The following TGFA variants were observed in gnomAD, a reference collection of about 807,000 sequenced individuals.
TGFA encodes the protein protransforming growth factor alpha.
TGFA carries 12 observed loss-of-function variants against 21.7 expected under a neutral mutation model. That is an observed-to-expected ratio of 0.55 (90% confidence interval 0.35 to 0.90). The LOEUF (loss-of-function observed/expected upper bound fraction) is 0.90, where lower values mean the gene tolerates loss of function less well. TGFA is among the 40% of genes least tolerant of loss of function. The pLI is 0.01. For missense variants in TGFA, 178 were observed against 210.8 expected (o/e 0.84, Z 0.96); for synonymous variants, 79 against 88.1 (o/e 0.90, Z 0.58).
intron 3 of TGFA, among the ~76,000 whole-genome samples, chr2:70,457,289 GC>G (rs1487331841): frequency 9.2e-5 from 14 of 152,072 alleles, no homozygotes; most frequent in African/African-American, 2.9e-4. Flanking sequence ...TTCAATCACG[GC>G]CCCCTGCTAT....
intron 4 of TGFA, among the ~76,000 whole-genome samples, chr2:70,454,284 G>C (rs1670152196): frequency 6.6e-6 from 1 of 152,220 alleles, no homozygotes; most frequent in South Asian, 2.1e-4. Flanking sequence ...CCCAGCCCCT[G>C]TCTTGGCACT....
chr2:70,553,764 C>A lies in TGFA; in HGVS notation c.4G>T (p.Val2Phe), dbSNP rs782335405. The part of the protein sequence containing the change: M[V>F]PSAGQLALFA... ...AGGGCGAGCTGTCCAGCCGAGGGGA[C>A]CATTTTACGGGCGGGCGGGCAGCAG... is the stretch of plus-strand genomic sequence containing the variant. Residue 2 changes from valine to phenylalanine, a missense_variant, in exon 1 of 6, where the codon GTC (valine) becomes TTC (phenylalanine). By Grantham distance (50) the Val-to-Phe change is conservative (BLOSUM62 -1). Coordinates refer to ENST00000295400, the MANE Select transcript of TGFA (RefSeq NM_003236.4). 82 of 1,288,238 alleles carry A rather than the reference C, an allele frequency of 6.4e-5. No individual in the cohort carries two copies. The highest frequency in any genetic ancestry group is 7.6e-5 in the Non-Finnish European group (77 of 1,010,796). The allele number at this position is 1,288,238 out of a possible 1,614,324, so 79.8% of individuals were successfully genotyped here.
intron 2 of TGFA, among the ~76,000 whole-genome samples, chr2:70,473,074 C>A (rs987515850): frequency 6.6e-6 from 1 of 152,180 alleles, no homozygotes; most frequent in Non-Finnish European, 1.5e-5. Flanking sequence ...AAATCTGATA[C>A]TCCCAGGTAT....
intron 3 of TGFA, among the ~76,000 whole-genome samples, chr2:70,457,039 C>T (rs1553490691): frequency 1.3e-5 from 2 of 152,190 alleles, no homozygotes; most frequent in Admixed American, 1.3e-4. Context: ...CCTGTGAACT[C>T]TGGTGTCCTC....
chr2:70,510,681 C>A (rs996960199), intron 2 of TGFA, among the ~76,000 whole-genome samples: 2 of 152,206 alleles, frequency 1.3e-5, no homozygotes, highest in African/African-American at 2.4e-5. Context: ...GTCTGAGAAG[C>A]GTTTACTAAT....
intron 1 of TGFA, among the ~76,000 whole-genome samples, chr2:70,519,905 C>G (rs1553502037): frequency 6.6e-6 from 1 of 152,256 alleles, no homozygotes; most frequent in Non-Finnish European, 1.5e-5. Flanking sequence ...GCTTTGCCAT[C>G]AGGCCTGGGT....
chr2:70,521,600 TTTG>T (rs1553502271), intron 1 of TGFA, among the ~76,000 whole-genome samples: 1 of 142,054 alleles, frequency 7.0e-6, no homozygotes, highest in Non-Finnish European at 1.5e-5. Flanking sequence ...GATAGTTTTT[TTTG>T]TTGTTGTTTG....
intron 1 of TGFA, among the ~76,000 whole-genome samples, chr2:70,534,575 A>G (rs1672917483): frequency 6.6e-6 from 1 of 152,138 alleles, no homozygotes; most frequent in South Asian, 2.1e-4. Flanking sequence ...GCCCCCACCA[A>G]TGAATTTATT....
At chr2:70,508,470 G>A (rs1671999093) in intron 2 of TGFA, among the ~76,000 whole-genome samples, 1 of 152,092 alleles carries the variant, frequency 6.6e-6, no homozygotes, top group South Asian at 2.1e-4. Flanking sequence ...AAAAACTAGG[G>A]AGGTGAAGGG....
chr2:70,553,591 C>A, intron 1 of TGFA, 137 bp downstream of exon 1: 1 of 1,314,068 alleles, frequency 7.6e-7, no homozygotes, highest in Non-Finnish European at 9.7e-7. Context: ...GCCTCCCAGG[C>A]GCCAACCCAT....
intron 1 of TGFA, among the ~76,000 whole-genome samples, chr2:70,524,589 C>T (rs994699336): frequency 4.6e-5 from 7 of 152,202 alleles, no homozygotes; most frequent in Non-Finnish European, 7.3e-5. Flanking sequence ...GCAGAGAAGC[C>T]GTGCCAAGCT....
chr2:70,549,857 T>C (rs939283229), intron 1 of TGFA, among the ~76,000 whole-genome samples: 9 of 152,230 alleles, frequency 5.9e-5, no homozygotes, highest in African/African-American at 2.2e-4. Flanking sequence ...CACTTTATCC[T>C]GAGGAACCCA....
At chr2:70,451,633 AG>A in intron 5 of TGFA, 1 of 632,876 alleles carries the variant, frequency 1.6e-6, no homozygotes, top group East Asian at 2.7e-5. Context: ...TGACTCTGTT[AG>A]GTTCAGACAA....
chr2:70,481,029 C>T (rs765869), intron 2 of TGFA, among the ~76,000 whole-genome samples: 1,592 of 152,310 alleles, frequency 0.01, 38 homozygotes, highest in African/African-American at 0.037. Context: ...CATTTTACCT[C>T]TTAATAGTTT....
chr2:70,485,557 T>A (rs1671248547), intron 2 of TGFA, among the ~76,000 whole-genome samples: 1 of 152,154 alleles, frequency 6.6e-6, no homozygotes, highest in South Asian at 2.1e-4. Context: ...CAGGATCACC[T>A]CTGAAGACTG....
intron 1 of TGFA, among the ~76,000 whole-genome samples, chr2:70,519,657 T>A (rs971081186): frequency 4.6e-5 from 7 of 152,204 alleles, no homozygotes; most frequent in African/African-American, 1.4e-4. Flanking sequence ...CAGCAGCAAG[T>A]TCCAACTAGA....
intron 2 of TGFA, among the ~76,000 whole-genome samples, chr2:70,489,105 G>C (rs139958058): frequency 4.5e-4 from 68 of 152,284 alleles, no homozygotes; most frequent in African/African-American, 1.6e-3. Context: ...CTTTGGCCAA[G>C]TCCTTCCCAT....
At chr2:70,534,601 G>A (rs1410338943) in intron 1 of TGFA, among the ~76,000 whole-genome samples, 15 of 152,066 alleles carry the variant, frequency 9.9e-5, no homozygotes, top group Admixed American at 8.5e-4. Context: ...AGGTTCCTTG[G>A]TCATAATAAA....
intron 1 of TGFA, chr2:70,553,466 A>T: frequency 7.1e-7 from 1 of 1,399,214 alleles, no homozygotes; most frequent in Non-Finnish European, 9.2e-7. Context: ...GCCCGTTCAC[A>T]CTCCGCTTCC....
Sources: gnomAD v4.1 joint callset for allele counts (sites outside exome capture counted in the v4.1 genomes callset) on GRCh38, gnomAD v4.1.1 for gene constraint, MANE v1.5 for transcripts, NCBI Gene and HGNC (gene_info 2026-07-23, HGNC 2026-07-21) for gene names.